Variants in ERI3 observed in about 807,000 individuals in gnomAD.
ERI3 encodes the protein ERI1 exoribonuclease family member 3.
ERI3 carries 18 observed loss-of-function variants against 44.4 expected under a neutral mutation model. That is an observed-to-expected ratio of 0.41 (90% CI 0.28 to 0.60). The LOEUF is 0.60. Among genes scored for constraint, ERI3 ranks in the 20% least tolerant of loss-of-function variants. The pLI, the probability that ERI3 is intolerant of heterozygous loss-of-function variation, is 0.36. For missense variants in ERI3, 294 were observed against 435.5 expected, an observed-to-expected ratio of 0.68 and a Z score of 2.89; for synonymous variants, 183 against 164.8, an observed-to-expected ratio of 1.11 and a Z score of -0.84.
chr1:44,261,668 G>C (rs1297831584), intron 7 of ERI3, among the ~76,000 whole-genome samples: 2 of 152,262 alleles, frequency 1.3e-5, no homozygotes, highest in Non-Finnish European at 2.9e-5. Flanking sequence ...CGTCCCCAAA[G>C]AGAAAGAAAG....
intron 2 of ERI3, among the ~76,000 whole-genome samples, chr1:44,340,840 G>A (rs936147001): frequency 8.5e-5 from 13 of 152,156 alleles, no homozygotes; most frequent in Non-Finnish European, 1.6e-4. Context: ...GTAGACAAAC[G>A]CTGGCTTGAG....
intron 7 of ERI3, among the ~76,000 whole-genome samples, chr1:44,266,427 A>T (rs1644992241): frequency 6.6e-6 from 1 of 152,204 alleles, no homozygotes; most frequent in Non-Finnish European, 1.5e-5. Context: ...TGTTCAGTAG[A>T]CACTAAGATT....
At chr1:44,265,298 A>T (rs1162477722) in intron 7 of ERI3, among the ~76,000 whole-genome samples, 1 of 152,040 alleles carries the variant, frequency 6.6e-6, no homozygotes, top group Non-Finnish European at 1.5e-5. Context: ...ATGAACTTAC[A>T]CTCCCGCACA....
chr1:44,261,559 G>A (rs1261417390), intron 7 of ERI3, among the ~76,000 whole-genome samples: 2 of 152,234 alleles, frequency 1.3e-5, no homozygotes, highest in African/African-American at 2.4e-5. Flanking sequence ...AGGGAAAAAA[G>A]GAGAGCGAAC....
At chr1:44,293,307 G>A (rs1645546487) in intron 6 of ERI3, among the ~76,000 whole-genome samples, 1 of 152,234 alleles carries the variant, frequency 6.6e-6, no homozygotes, top group Non-Finnish European at 1.5e-5. Context: ...GAGGCCGGGT[G>A]ACCTCGGCAA....
intron 8 of ERI3, among the ~76,000 whole-genome samples, chr1:44,237,939 C>T (rs533030267): frequency 6.6e-6 from 1 of 152,152 alleles, no homozygotes; most frequent in Non-Finnish European, 1.5e-5. Context: ...CACAGGCTCA[C>T]TGTAGCCCTA....
chr1:44,269,714 T>C (rs1406296859), intron 7 of ERI3, among the ~76,000 whole-genome samples: 4 of 152,142 alleles, frequency 2.6e-5, no homozygotes, highest in Non-Finnish European at 4.4e-5. Context: ...GGGTCTCCAG[T>C]TCAAACCAGG....
At chr1:44,285,392 C>T (rs1286696788) in intron 6 of ERI3, among the ~76,000 whole-genome samples, 1 of 152,116 alleles carries the variant, frequency 6.6e-6, no homozygotes. Context: ...TTTGTTACAG[C>T]AGAGAGGCAG....
intron 6 of ERI3, among the ~76,000 whole-genome samples, chr1:44,297,036 G>A (rs1645625555): frequency 6.6e-6 from 1 of 152,090 alleles, no homozygotes; most frequent in South Asian, 2.1e-4. Flanking sequence ...GTGTCACATT[G>A]CTGTCACTCT....
In ERI3 at chr1:44,355,129, G is replaced by A. The variant is rs543531697; in HGVS notation, c.-103C>T. On this transcript the variant is annotated 5_prime_UTR_variant, in exon 1 of 9. Transcript: ENST00000372257. ...AGCGCTCAGGGCAGTTGGCGGCGGC[G>A]GGCGCGGCCCGCGCCGACTGCGGCG... 7 of 1,232,136 alleles carry A rather than the reference G, an allele frequency of 5.7e-6. No individual in the cohort carries two copies. Among genetic ancestry groups the A allele is most frequent in the Non-Finnish European group, 7.1e-6 (7 of 982,596 alleles). The allele number at this position is 1,232,136 out of a possible 1,614,324, so 76.3% of individuals were successfully genotyped here.
At chr1:44,340,024 C>T (rs1051176542) in intron 2 of ERI3, among the ~76,000 whole-genome samples, 1 of 151,840 alleles carries the variant, frequency 6.6e-6, no homozygotes, top group Non-Finnish European at 1.5e-5. Context: ...GCCTTAGACT[C>T]GGTCTCTACT....
intron 3 of ERI3, among the ~76,000 whole-genome samples, chr1:44,335,364 A>C (rs916007418): frequency 2.7e-4 from 41 of 150,506 alleles, no homozygotes; most frequent in African/African-American, 7.3e-4. Context: ...CAAAAAAAAA[A>C]AAACAAACAA....
intron 7 of ERI3, among the ~76,000 whole-genome samples, chr1:44,259,829 G>A (rs1232227473): frequency 2.0e-5 from 3 of 151,838 alleles, no homozygotes; most frequent in African/African-American, 7.3e-5. Context: ...GCAGTGAGCT[G>A]TATTTGTGCC....
At chr1:44,230,128 C>G (rs1644143975) in intron 8 of ERI3, among the ~76,000 whole-genome samples, 2 of 152,138 alleles carry the variant, frequency 1.3e-5, no homozygotes, top group South Asian at 4.1e-4. Context: ...ATGATGAAGA[C>G]TCAATAATCT....
At chr1:44,317,894 G>A (rs1646124592) in intron 4 of ERI3, among the ~76,000 whole-genome samples, 1 of 152,066 alleles carries the variant, frequency 6.6e-6, no homozygotes, top group Non-Finnish European at 1.5e-5. Flanking sequence ...AAAAAGGATG[G>A]ACAAGATCAT....
intron 7 of ERI3, among the ~76,000 whole-genome samples, chr1:44,277,238 C>T (rs1645197855): frequency 6.6e-6 from 1 of 152,140 alleles, no homozygotes; most frequent in South Asian, 2.1e-4. Context: ...AGGGACCTTC[C>T]GCCTAAAGAG....
chr1:44,295,308 A>T (rs1041191871), intron 6 of ERI3, among the ~76,000 whole-genome samples: 2 of 152,198 alleles, frequency 1.3e-5, no homozygotes, highest in African/African-American at 2.4e-5. Flanking sequence ...TAAAAAAAAT[A>T]CTACCATTCC....
chr1:44,334,600 C>G lies in ERI3; in HGVS notation c.489+4445G>C, dbSNP rs1274401534. ...AAAAAGTGTTTTCAAATGAAAAAGT[C>G]TCCTATTCAACCAATACCTATCATG... On this transcript the variant is annotated intron_variant, in intron 3 of 8. Coordinates refer to ENST00000372257, the MANE Select transcript of ERI3 (RefSeq NM_024066.3). Among the ~76,000 whole-genome samples the G allele has an allele frequency of 2.0e-5, 3 of 152,312 alleles. 1 individual carries two copies. Among genetic ancestry groups the G allele is most frequent in the Middle Eastern group, 6.8e-3 (2 of 292 alleles).
At chr1:44,281,803 A>G (rs995679563) in intron 7 of ERI3, among the ~76,000 whole-genome samples, 23 of 151,750 alleles carry the variant, frequency 1.5e-4, no homozygotes, top group African/African-American at 5.6e-4. Context: ...GGATACAGAC[A>G]TGCAATTTGG....
Sources: gnomAD v4.1 joint callset for allele counts (sites outside exome capture counted in the v4.1 genomes callset) on GRCh38, gnomAD v4.1.1 for gene constraint, MANE v1.5 for transcripts, NCBI Gene and HGNC (gene_info 2026-07-23, HGNC 2026-07-21) for gene names.